Variants in RSKR observed in about 807,000 individuals in gnomAD.
RSKR encodes ribosomal protein S6 kinase related, also known as ribosomal protein S6 kinase-related protein.
RSKR carries 44 observed loss-of-function variants against 56.8 expected under a neutral mutation model. The observed-to-expected ratio is 0.77, with a 90% CI of 0.61 to 1.00. The LOEUF (loss-of-function observed/expected upper bound fraction) is 1.00. Among genes scored for constraint, RSKR ranks in the 50% least tolerant of loss-of-function variants. The pLI, the probability that RSKR is intolerant of heterozygous loss-of-function variation, is 0.00. For missense variants in RSKR, 510 were observed against 506.9 expected, an observed-to-expected ratio of 1.01 and a Z score of -0.06; for synonymous variants, 181 against 188.0, an observed-to-expected ratio of 0.96 and a Z score of 0.30.
rs1362857111 is a variant in RSKR at position 28,608,204 on chromosome 17, C to G, written c.*2274G>C. The stretch of plus-strand genomic sequence containing the variant: ...TAGTATCAGTACAAACAGAAAAATA[C>G]AATCAGCTGAATATTTAGTGTCCTT... On this transcript the variant is annotated 3_prime_UTR_variant, in exon 12 of 12. Transcript: ENST00000301037. 6.6e-6 allele frequency: 1 copy of G among 152,122 alleles called. No individual in the cohort carries two copies. The highest frequency in any genetic ancestry group is 1.5e-5 in the Non-Finnish European group (1 of 68,030). 9.4% of individuals were successfully genotyped at this position (152,122 alleles called of 1,614,324 possible).
intron 5 of RSKR, 30 bp downstream of exon 5, chr17:28,612,588 G>A (rs1213869646): frequency 1.2e-6 from 2 of 1,609,326 alleles, no homozygotes; most frequent in East Asian, 2.2e-5. Context: ...CAAAGACCCT[G>A]GGGGATGAGG....
rs2070809140 is a variant in RSKR at position 28,611,267 on chromosome 17, T to C, written c.901-14A>G. ...AGCCACTGGAAACTGAGTTAAGAGGTAGGGAGTGGAGGTAGGGGTAGGGGT... is the reference window on the plus strand; with the variant it reads ...AGCCACTGGAAACTGAGTTAAGAGGCAGGGAGTGGAGGTAGGGGTAGGGGT... On this transcript the variant is annotated splice_polypyrimidine_tract_variant and intron_variant, in intron 10 of 11. Coordinates refer to ENST00000301037, the MANE Select transcript of RSKR (RefSeq NM_001174103.2). The C allele has an allele frequency of 1.3e-6, 2 of 1,534,630 alleles. No individual in the cohort carries two copies. Among genetic ancestry groups the C allele is most frequent in the African/African-American group, 1.4e-5 (1 of 72,948 alleles).
chr17:28,612,316 A>G lies in RSKR; in HGVS notation c.598T>C (p.Cys200Arg), dbSNP rs1179195582. Residue 200 changes from cysteine (C) to arginine (R), a missense_variant, in exon 6 of 12, where the codon TGC becomes CGC. Transcript: ENST00000301037. ...AGACGGATGGAAGCCTCAGGAAAGC[A>G]GCCAACAGCCGACCAAAGGGAGTAC... ...DLYSLWSAVG[C>R]FPEASIRLFA... 6.2e-7 allele frequency: 1 copy of G among 1,614,242 alleles called. No individual in the cohort carries two copies. Among genetic ancestry groups the G allele is most frequent in the South Asian group, 1.1e-5 (1 of 91,080 alleles).
At position 28,611,780 on chromosome 17, in the gene RSKR, G is replaced by A. The variant is rs183511702; in HGVS notation, c.709C>T (p.Leu237=). The A allele has an allele frequency of 6.2e-7, 1 of 1,614,158 alleles. No individual in the cohort carries two copies. Among genetic ancestry groups the A allele is most frequent in the Non-Finnish European group, 8.5e-7 (1 of 1,180,020 alleles). The part of the protein sequence containing the change: ...HRDVKMENIL[L]DERGHLKLTD... ...GAAAAAGACTTACCTCGTTCATCTA[G>A]AAGAATATTCTCCATCTGAAAGATC... The change falls in exon 8 of 12, where the codon CTA becomes TTA. Residue 237 remains leucine, a synonymous_variant. Transcript: ENST00000301037.
chr17:28,611,867 C>CTGAA, intron 7 of RSKR, 72 bp from the exon 8 acceptor site: 1 of 1,612,968 alleles, frequency 6.2e-7, no homozygotes, highest in Non-Finnish European at 8.5e-7. Flanking sequence ...TACACCCCAG[C>CTGAA]TGAAGGTGAT....
chr17:28,613,156 G>A lies in RSKR; in HGVS notation c.409-10C>T. The stretch of plus-strand genomic sequence containing the variant: ...TTACCTTGGGCACCACCTATAAAAG[G>A]AGAGTAGTGATGACTCATAGATAGT... On this transcript the variant is annotated splice_polypyrimidine_tract_variant and intron_variant, in intron 3 of 11. Transcript: ENST00000301037. 3 of 1,613,774 alleles carry A rather than the reference G, an allele frequency of 1.9e-6. No homozygotes were observed. The highest frequency in any genetic ancestry group is 2.5e-6 in the Non-Finnish European group (3 of 1,179,996).
chr17:28,612,038 C>G lies in RSKR; in HGVS notation c.693+6G>C, dbSNP rs2070823019. 6.2e-7 allele frequency: 1 copy of G among 1,614,054 alleles called. No homozygotes were observed. Among genetic ancestry groups the G allele is most frequent in the Admixed American group, 1.7e-5 (1 of 59,994 alleles). On this transcript the variant is annotated splice_donor_region_variant and intron_variant, in intron 7 of 11. Transcript: ENST00000301037. ...CAGACAAAGGGAAAAAAGCACTTAACTCTACCTTCACATCTCGATGCATGA... is the reference window on the plus strand; with the variant it reads ...CAGACAAAGGGAAAAAAGCACTTAAGTCTACCTTCACATCTCGATGCATGA...
chr17:28,612,766 C>CA, intron 4 of RSKR, 79 bp from the exon 5 acceptor site: 1 of 1,381,640 alleles, frequency 7.2e-7, no homozygotes, highest in East Asian at 2.3e-5. Flanking sequence ...AGGTTTTACC[C>CA]AGATGTGCAG....
chr17:28,613,407 CTG>C lies in RSKR; in HGVS notation c.324+31_324+32del, dbSNP rs1386740101. The C allele has an allele frequency of 1.2e-5, 19 of 1,614,046 alleles. No individual in the cohort carries two copies. In the East Asian group the frequency reaches 3.6e-4, roughly 30 times the overall value. On this transcript the variant is annotated intron_variant, in intron 2 of 11. Coordinates refer to ENST00000301037, the MANE Select transcript of RSKR (RefSeq NM_001174103.2). ...GGTCATTTTTAACTTCTCCCAAAGACTGAGACCCCACTCAGGGATTCCACTGA... is the reference window on the plus strand; with the variant it reads ...GGTCATTTTTAACTTCTCCCAAAGACAGACCCCACTCAGGGATTCCACTGA...
rs893093457 is a variant in RSKR, at chr17:28,611,956, A to G, written c.693+88T>C. 1.2e-5 allele frequency: 19 copies of G among 1,613,626 alleles called. No individual in the cohort carries two copies. In the African/African-American group the frequency reaches 2.0e-4, roughly 17 times the overall value. The stretch of plus-strand genomic sequence containing the variant: ...CACCCATGGGGGCCCCAATGTCTAC[A>G]GTTCTCAGCTCCCTAACTTCTTGGA... On this transcript the variant is annotated intron_variant, in intron 7 of 11. Coordinates refer to ENST00000301037, the MANE Select transcript of RSKR (RefSeq NM_001174103.2).
chr17:28,613,134 C>G lies in RSKR; in HGVS notation c.421G>C (p.Val141Leu). 6.2e-7 allele frequency: 1 copy of G among 1,613,982 alleles called. No homozygotes were observed. Among genetic ancestry groups the G allele is most frequent in the Non-Finnish European group, 8.5e-7 (1 of 1,180,028 alleles). ...AVFAVKVVPK[V>L]KVLQRDTVRQ... ...ACGGTATCCCTCTGTAGGACCTTTA[C>G]CTTGGGCACCACCTATAAAAGGAGA... Residue 141 changes from valine to leucine, a missense_variant, in exon 4 of 12, where the codon GTA (valine) becomes CTA (leucine). By Grantham distance (32) the Val-to-Leu change is conservative (BLOSUM62 1). Coordinates refer to ENST00000301037, the MANE Select transcript of RSKR (RefSeq NM_001174103.2).
rs749824804 is a variant in RSKR at position 28,612,250 on chromosome 17, T to C, written c.652+12A>G. 2.0e-5 allele frequency: 32 copies of C among 1,613,642 alleles called. No individual in the cohort carries two copies. The highest frequency in any genetic ancestry group is 2.6e-5 in the Non-Finnish European group (31 of 1,179,706). ...CTTCCCTCCCCATTTCCTTTACCACTGTTTCACTTACACAGTACCAGCACC... is the reference window on the plus strand; with the variant it reads ...CTTCCCTCCCCATTTCCTTTACCACCGTTTCACTTACACAGTACCAGCACC... On this transcript the variant is annotated intron_variant, in intron 6 of 11. Coordinates refer to ENST00000301037, the MANE Select transcript of RSKR (RefSeq NM_001174103.2).
At chr17:28,611,892 T>C in intron 7 of RSKR, 97 bp from the exon 8 acceptor site, 1 of 1,611,900 alleles carries the variant, frequency 6.2e-7, no homozygotes, top group South Asian at 1.1e-5. Flanking sequence ...TACTCAGCAC[T>C]CAAATCTATA....
Position 28,611,119 on chromosome 17 carries a change from A to G in RSKR, c.1011+24T>C, listed in dbSNP as rs762271747. On this transcript the variant is annotated intron_variant, in intron 11 of 11. Coordinates refer to ENST00000301037, the MANE Select transcript of RSKR (RefSeq NM_001174103.2). ...GAGCATTAATGGTTTCGTAGCCAAGAAGGAAAGCAGTGCTCATCCTTACCT... is the reference window on the plus strand; with the variant it reads ...GAGCATTAATGGTTTCGTAGCCAAGGAGGAAAGCAGTGCTCATCCTTACCT... The G allele has an allele frequency of 3.3e-6, 5 of 1,515,108 alleles. No individual in the cohort carries two copies. The East Asian group carries it at 7.4e-5, about 22-fold the overall frequency. 93.9% of individuals were successfully genotyped at this position (1,515,108 alleles called of 1,614,324 possible). A position where few individuals can be genotyped will look rare whatever the true frequency, so the allele number is the denominator to read the frequency against.
At position 28,613,619 on chromosome 17, in the gene RSKR, T is replaced by C. The variant is rs2070860489; in HGVS notation, c.145A>G (p.Arg49Gly). 6.2e-7 allele frequency: 1 copy of C among 1,614,016 alleles called. No homozygotes were observed. Among genetic ancestry groups the C allele is most frequent in the South Asian group, 1.1e-5 (1 of 91,084 alleles). Residue 49 changes from arginine to glycine, a missense_variant, in exon 2 of 12, where the codon AGG becomes GGG. By Grantham distance (125) the Arg-to-Gly change is moderately radical. Transcript: ENST00000301037. Reference sequence around the variant, plus strand: ...TCCCAGAGTTCTTCCAGATCTGACCTGATGGTTCCCAAACCTGTCCAGAGG... The same window carrying C: ...TCCCAGAGTTCTTCCAGATCTGACCCGATGGTTCCCAAACCTGTCCAGAGG... ...KSLWTGLGTIRSDLEELWELR... is the reference protein window; with the variant it reads ...KSLWTGLGTIGSDLEELWELR...
chr17:28,610,296 G>T lies in RSKR; in HGVS notation c.*182C>A. 1.6e-6 allele frequency: 1 copy of T among 606,536 alleles called. No individual in the cohort carries two copies. 37.6% of individuals were successfully genotyped at this position (606,536 alleles called of 1,614,324 possible). On this transcript the variant is annotated 3_prime_UTR_variant, in exon 12 of 12. Transcript: ENST00000301037. ...AGGTTGTATGATAGGGAAGGAATAG[G>T]GCCAGCTGTGGCTGCCAGTAGCAGA...
At position 28,612,632 on chromosome 17, in the gene RSKR, C is replaced by T. The variant is rs755749668; in HGVS notation, c.533G>A (p.Arg178Gln). Residue 178 changes from arginine (R) to glutamine (Q), a missense_variant, in exon 5 of 12, where the codon CGG (arginine) becomes CAG (glutamine). By Grantham distance (43) the Arg-to-Gln change is conservative (BLOSUM62 1). Coordinates refer to ENST00000301037, the MANE Select transcript of RSKR (RefSeq NM_001174103.2). ...HSLGDSWQGK[R>Q]HLFIMCSYCS... ...CAGTCACTCACTAATGAAAAGGTGC[C>T]GTTTTCCCTGCCAGCTGTCCCCCAA... is the stretch of plus-strand genomic sequence containing the variant. 7 of 1,614,124 alleles carry T rather than the reference C, an allele frequency of 4.3e-6. No homozygotes were observed. Among genetic ancestry groups the T allele is most frequent in the South Asian group, 2.2e-5 (2 of 91,084 alleles).
In RSKR at chr17:28,614,126, G is replaced by GGTGTGCTGCCCCTGCCGA; in HGVS notation, c.18_35dup (p.Arg7_Thr12dup). The GGTGTGCTGCCCCTGCCGA allele has an allele frequency of 6.2e-7, 1 of 1,613,556 alleles. No individual in the cohort carries two copies. Among genetic ancestry groups the GGTGTGCTGCCCCTGCCGA allele is most frequent in the Non-Finnish European group, 8.5e-7 (1 of 1,179,904 alleles). On this transcript the variant is annotated inframe_insertion, in exon 1 of 12. Transcript: ENST00000301037. Reference sequence around the variant, plus strand: ...CCACCCGGGTGTGTTCCCCCTGCTGGGTGTGCTGCCCCTGCCGACAGCTTA... The same window carrying GGTGTGCTGCCCCTGCCGA: ...CCACCCGGGTGTGTTCCCCCTGCTGGGTGTGCTGCCCCTGCCGAGTGTGCTGCCCCTGCCGACAGCTTA...
At position 28,613,111 on chromosome 17, in the gene RSKR, G is replaced by A. The variant is rs768844915; in HGVS notation, c.444C>T (p.Thr148=). ...VPKVKVLQRD[T]VRQCKEEVSI... ...TAACCTCCTCTTTGCACTGCCTCAC[G>A]GTATCCCTCTGTAGGACCTTTACCT... is the stretch of plus-strand genomic sequence containing the variant. Residue 148 remains threonine, a synonymous_variant, in exon 4 of 12, where the codon ACC becomes ACT. Coordinates refer to ENST00000301037, the MANE Select transcript of RSKR (RefSeq NM_001174103.2). 20 of 1,613,876 alleles carry A rather than the reference G, an allele frequency of 1.2e-5. No individual in the cohort carries two copies. The highest frequency in any genetic ancestry group is 4.4e-5 in the South Asian group (4 of 91,072).
Sources: gnomAD v4.1 joint callset for allele counts on GRCh38, gnomAD v4.1.1 for gene constraint, MANE v1.5 for transcripts, NCBI Gene and HGNC (gene_info 2026-07-23, HGNC 2026-07-21) for gene names.